The following ABI3BP variants were observed in gnomAD, a reference collection of about 807,000 sequenced individuals.
ABI3BP encodes ABI family member 3 binding protein, also known as target of Nesh-SH3.
A neutral mutation model predicts 268.6 loss-of-function variants in ABI3BP; 216 were observed. The ratio of observed to expected loss-of-function variants is 0.80; its 90% CI spans 0.72 to 0.90. The LOEUF (loss-of-function observed/expected upper bound fraction) is 0.90. Among genes scored for constraint, ABI3BP ranks in the 40% least tolerant of loss-of-function variants. The pLI is 0.00. For synonymous variants in ABI3BP, 730 were observed against 730.0 expected (o/e 1.00, Z 0.00); for missense variants, 2,090 against 2,182.4 (o/e 0.96, Z 0.84).
Position 100,822,678 on chromosome 3 carries a change from G to A in ABI3BP, c.2804-6C>T. ...CCGTTGTGATGTTTTGGAAGCTGAA[G>A]GAAGAAGTTCTTGGGTTACAACATA... On this transcript the variant is annotated splice_polypyrimidine_tract_variant and splice_region_variant and intron_variant, in intron 37 of 67. Coordinates refer to ENST00000471714, the MANE Select transcript of ABI3BP (RefSeq NM_001375547.2). 1 of 1,536,230 alleles carries A rather than the reference G, an allele frequency of 6.5e-7. No individual in the cohort carries two copies. The highest frequency in any genetic ancestry group is 8.7e-7 in the Non-Finnish European group (1 of 1,146,782).
rs371289294 is a variant in ABI3BP, at chr3:100,774,642, T to C, written c.4494A>G (p.Thr1498=). ...GCTTCCCAAGAGGATCAGTTTCTCT[T>C]GTTGGGCTTGAGCTAAAGTCAGTTA... ...ENITDFSSSP[T]RETDPLGKPR... is the part of the protein sequence containing the mutation. Residue 1498 remains threonine, a synonymous_variant, in exon 61 of 68, where the codon ACA becomes ACG. Coordinates refer to ENST00000471714, the MANE Select transcript of ABI3BP (RefSeq NM_001375547.2). The C allele has an allele frequency of 5.7e-4, 912 of 1,586,144 alleles. No homozygotes were observed. Among genetic ancestry groups the C allele is most frequent in the Middle Eastern group, 1.8e-3 (11 of 6,020 alleles).
chr3:100,805,622 G>A (rs966158590), intron 50 of ABI3BP, among the ~76,000 whole-genome samples: 4 of 151,946 alleles, frequency 2.6e-5, no homozygotes, highest in Non-Finnish European at 5.9e-5. Flanking sequence ...ACAGAGATTC[G>A]GGTGTGTGAC....
intron 51 of ABI3BP, among the ~76,000 whole-genome samples, chr3:100,802,364 G>A (rs1340234828): frequency 6.6e-6 from 1 of 152,184 alleles, no homozygotes; most frequent in Admixed American, 6.5e-5. Flanking sequence ...AGCTCTTGGT[G>A]TAGAAAGGAA....
intron 1 of ABI3BP, among the ~76,000 whole-genome samples, chr3:100,980,715 T>C (rs1055662590): frequency 1.3e-5 from 2 of 152,180 alleles, no homozygotes; most frequent in African/African-American, 4.8e-5. Flanking sequence ...TATGTTGAAA[T>C]AGTATTAAAT....
At chr3:100,961,627 T>C (rs1458035855) in intron 1 of ABI3BP, among the ~76,000 whole-genome samples, 1 of 152,212 alleles carries the variant, frequency 6.6e-6, no homozygotes, top group South Asian at 2.1e-4. Flanking sequence ...GTCACACTCT[T>C]GTTGGGCAAG....
Position 100,792,709 on chromosome 3 carries a change from G to A in ABI3BP, c.4006C>T (p.Leu1336=). ...GGATTACCCTGAGTTGTCTTTGCTA[G>A]TTCAGTTGTTCGTGGAATCTTAGTT... is the stretch of plus-strand genomic sequence containing the variant. ...FTTKIPRTTE[L]AKTTQAPHRF... is the part of the protein sequence containing the mutation. The change falls in exon 55 of 68, where the codon CTA becomes TTA. Residue 1336 remains leucine (L), a synonymous_variant. Coordinates refer to ENST00000471714, the MANE Select transcript of ABI3BP (RefSeq NM_001375547.2). 1 of 1,611,522 alleles carries A rather than the reference G, an allele frequency of 6.2e-7. No homozygotes were observed.
At position 100,823,619 on chromosome 3, in the gene ABI3BP, C is replaced by CGAA. The variant is rs2098290466; in HGVS notation, c.2747-106_2747-105insTTC. On this transcript the variant is annotated intron_variant, in intron 36 of 67. Transcript: ENST00000471714. Reference sequence around the variant, plus strand: ...TGGTATGTCAATTCTTCCAGAGAAACAAAAAAAAAATTAACTTCTTAACTG... The same window carrying CGAA: ...TGGTATGTCAATTCTTCCAGAGAAACGAAAAAAAAAAAATTAACTTCTTAACTG... 26 of 732,214 alleles carry CGAA rather than the reference C, an allele frequency of 3.6e-5. No homozygotes were observed. In the South Asian group the frequency reaches 5.4e-4, roughly 15 times the overall value. 45.4% of individuals were successfully genotyped at this position (732,214 alleles called of 1,614,324 possible). A position where few individuals can be genotyped will look rare whatever the true frequency, so the allele number is the denominator to read the frequency against.
At chr3:100,898,965 A>T in intron 3 of ABI3BP, 71 bp from the exon 4 acceptor site, 1 of 1,473,160 alleles carries the variant, frequency 6.8e-7, no homozygotes, top group East Asian at 2.5e-5. Flanking sequence ...GGTAAAATGC[A>T]TTAAAGATGA....
At chr3:100,843,851 G>T in intron 20 of ABI3BP, 2 of 985,140 alleles carry the variant, frequency 2.0e-6, no homozygotes, top group Non-Finnish European at 2.4e-6. Flanking sequence ...CCTTCCACAA[G>T]TGAAAAATAA....
chr3:100,944,649 T>G (rs1202118589), intron 1 of ABI3BP, among the ~76,000 whole-genome samples: 3 of 152,184 alleles, frequency 2.0e-5, no homozygotes, highest in Non-Finnish European at 4.4e-5. Context: ...AAACATGAGA[T>G]GAAACTGGAA....
chr3:100,754,578 C>T, intron 64 of ABI3BP, 34 bp downstream of exon 64: 1 of 1,545,180 alleles, frequency 6.5e-7, no homozygotes, highest in Non-Finnish European at 8.8e-7. Flanking sequence ...GGCCCTTTTA[C>T]ATCCTTTTTG....
rs902012308 is a variant in ABI3BP, at chr3:100,770,763, G to A, written c.4721C>T (p.Pro1574Leu). ...CTTACCAGTGACAGTGTCATTTAGT[G>A]GCTTTTCCCAGTCCAAGATGACAAA... ...PSFVILDWEK[P>L]LNDTVTEYEV... Residue 1574 changes from proline to leucine, a missense_variant, in exon 62 of 68, where the codon CCA (proline) becomes CTA (leucine). Coordinates refer to ENST00000471714, the MANE Select transcript of ABI3BP (RefSeq NM_001375547.2). 6.6e-7 allele frequency: 1 copy of A among 1,518,742 alleles called. No individual in the cohort carries two copies. Among genetic ancestry groups the A allele is most frequent in the Non-Finnish European group, 8.8e-7 (1 of 1,131,008 alleles). 94.1% of individuals were successfully genotyped at this position (1,518,742 alleles called of 1,614,324 possible).
At chr3:100,849,855 G>A (rs2098818510) in intron 17 of ABI3BP, among the ~76,000 whole-genome samples, 190 bp downstream of exon 17, 1 of 152,206 alleles carries the variant, frequency 6.6e-6, no homozygotes, top group Non-Finnish European at 1.5e-5. Flanking sequence ...CATCAGGATT[G>A]TGAAAATTCT....
At chr3:100,853,880 A>G (rs545030346) in intron 14 of ABI3BP, among the ~76,000 whole-genome samples, 8 of 152,256 alleles carry the variant, frequency 5.3e-5, no homozygotes, top group African/African-American at 1.2e-4. Flanking sequence ...AAAATAAGAC[A>G]TTTGCCAGCA....
chr3:100,832,342 T>C lies in ABI3BP; in HGVS notation c.2323A>G (p.Thr775Ala), dbSNP rs1449368814. ...GGACGACGGGTTCTTTTTGTTGTTG[T>C]TGTTGGAGCTGAAGGAAGAAAATTT... ...ITPGTSSAPTTTTKRTRRPHP... is the reference protein window; with the variant it reads ...ITPGTSSAPTATTKRTRRPHP... The change falls in exon 31 of 68, where the codon ACA becomes GCA. Residue 775 changes from threonine (T) to alanine (A), a missense_variant. By Grantham distance (58) the Thr-to-Ala change is moderately conservative. Coordinates refer to ENST00000471714, the MANE Select transcript of ABI3BP (RefSeq NM_001375547.2). 1.3e-6 allele frequency: 2 copies of C among 1,535,386 alleles called. No individual in the cohort carries two copies. Among genetic ancestry groups the C allele is most frequent in the South Asian group, 1.2e-5 (1 of 84,012 alleles).
chr3:100,832,310 G>A lies in ABI3BP; in HGVS notation c.2355C>T (p.Pro785=), dbSNP rs2098506935. 7 of 1,535,398 alleles carry A rather than the reference G, an allele frequency of 4.6e-6. No homozygotes were observed. The South Asian group carries it at 5.9e-5, about 13-fold the overall frequency. The stretch of plus-strand genomic sequence containing the variant: ...CTGGATGGGGCGTGGTTTTAGGTTT[G>A]GGATGTGGACGACGGGTTCTTTTTG... ...TTTKRTRRPH[P]KPKTTPHPEV... Residue 785 remains proline (P), a synonymous_variant, in exon 31 of 68, where the codon CCC becomes CCT. Coordinates refer to ENST00000471714, the MANE Select transcript of ABI3BP (RefSeq NM_001375547.2).
Position 100,829,757 on chromosome 3 carries a change from A to C in ABI3BP, c.2459-93T>G. 3 of 1,020,054 alleles carry C rather than the reference A, an allele frequency of 2.9e-6. No homozygotes were observed. In the East Asian group the frequency reaches 7.9e-5, roughly 27 times the overall value. The allele number at this position is 1,020,054 out of a possible 1,614,324, so 63.2% of individuals were successfully genotyped here. On this transcript the variant is annotated intron_variant, in intron 32 of 67. Transcript: ENST00000471714. ...TGTTATAATTTCTTGACTTCCAAGAAATGTTTCTTTTGGGTTTGAAATATT... is the reference window on the plus strand; with the variant it reads ...TGTTATAATTTCTTGACTTCCAAGACATGTTTCTTTTGGGTTTGAAATATT...
chr3:100,867,068 C>A, intron 9 of ABI3BP, 112 bp from the exon 10 acceptor site: 1 of 736,766 alleles, frequency 1.4e-6, no homozygotes, highest in Non-Finnish European at 2.3e-6. Flanking sequence ...CCTTCCCCAC[C>A]AGCCAGTCAA....
At chr3:100,825,086 T>C (rs1452460018) in intron 35 of ABI3BP, 145 bp from the exon 36 acceptor site, 1 of 685,108 alleles carries the variant, frequency 1.5e-6, no homozygotes, top group African/African-American at 1.8e-5. Context: ...TTTATAACGA[T>C]GCGTCATTTT....
Sources: gnomAD v4.1 joint callset for allele counts (sites outside exome capture counted in the v4.1 genomes callset) on GRCh38, gnomAD v4.1.1 for gene constraint, MANE v1.5 for transcripts, NCBI Gene and HGNC (gene_info 2026-07-23, HGNC 2026-07-21) for gene names.